ATP8A1: variants seen among roughly 807,000 people sequenced by gnomAD.
ATP8A1 encodes phospholipid-transporting ATPase IA.
In ATP8A1, 90 loss-of-function variants were observed where a neutral mutation model predicts 177.7. The ratio of observed to expected loss-of-function variants is 0.51; its 90% CI spans 0.43 to 0.60. The LOEUF is 0.60. ATP8A1 is among the 20% of genes least tolerant of loss of function. ATP8A1 has a pLI of 0.00. For missense variants in ATP8A1, 1,072 were observed against 1,392.8 expected (o/e 0.77, Z 3.67); for synonymous variants, 493 against 485.9 (o/e 1.01, Z -0.19).
intron 6 of ATP8A1, among the ~76,000 whole-genome samples, chr4:42,597,613 T>C (rs1329545714): frequency 6.6e-6 from 1 of 152,216 alleles, no homozygotes; most frequent in Non-Finnish European, 1.5e-5. Flanking sequence ...TAAAATGCCA[T>C]AATTTATAAA....
chr4:42,464,850 T>C (rs767376448), intron 26 of ATP8A1, 43 bp downstream of exon 26: 5 of 1,612,514 alleles, frequency 3.1e-6, no homozygotes, highest in South Asian at 1.1e-5. Context: ...AAAGCATCAG[T>C]TGACTGAGAG....
chr4:42,416,544 G>A (rs960688408), intron 35 of ATP8A1, among the ~76,000 whole-genome samples: 2 of 152,046 alleles, frequency 1.3e-5, no homozygotes, highest in Non-Finnish European at 2.9e-5. Context: ...TTTATATCAA[G>A]TTAACGTACA....
intron 1 of ATP8A1, among the ~76,000 whole-genome samples, chr4:42,630,081 T>C (rs1738564431): frequency 6.6e-6 from 1 of 152,240 alleles, no homozygotes; most frequent in African/African-American, 2.4e-5. Context: ...TATTTTATGA[T>C]TTCATTTTTT....
intron 17 of ATP8A1, among the ~76,000 whole-genome samples, chr4:42,551,831 C>G (rs1251158721): frequency 6.6e-6 from 1 of 152,100 alleles, no homozygotes; most frequent in East Asian, 1.9e-4. Context: ...TGAGACATAA[C>G]AATTCTTATG....
At chr4:42,575,477 T>C (rs1257810441) in intron 13 of ATP8A1, 145 bp downstream of exon 13, 10 of 649,714 alleles carry the variant, frequency 1.5e-5, no homozygotes, top group Middle Eastern at 3.9e-4. Context: ...AAAATGAGAA[T>C]TGTTCATCAT....
chr4:42,507,803 A>AAAC (rs1705808783), intron 22 of ATP8A1, among the ~76,000 whole-genome samples: 1 of 146,670 alleles, frequency 6.8e-6, no homozygotes, highest in Non-Finnish European at 1.5e-5. Context: ...AAAAAAAAAA[A>AAAC]AAAAAACATA....
intron 33 of ATP8A1, among the ~76,000 whole-genome samples, chr4:42,425,588 G>A (rs757959336): frequency 2.6e-5 from 4 of 152,100 alleles, no homozygotes; most frequent in Non-Finnish European, 4.4e-5. Context: ...AAATCCCACA[G>A]AGGTATTTCC....
intron 22 of ATP8A1, among the ~76,000 whole-genome samples, chr4:42,521,796 T>C (rs1195045404): frequency 1.3e-5 from 2 of 152,202 alleles, no homozygotes; most frequent in African/African-American, 2.4e-5. Context: ...TTGCATATTA[T>C]AGTTATTAAC....
chr4:42,495,779 C>T (rs1461071100), intron 24 of ATP8A1, among the ~76,000 whole-genome samples: 1 of 152,056 alleles, frequency 6.6e-6, no homozygotes, highest in Non-Finnish European at 1.5e-5. Context: ...TCATTAAAAA[C>T]ACATGGTCAA....
intron 24 of ATP8A1, among the ~76,000 whole-genome samples, chr4:42,490,960 A>T (rs1252074454): frequency 6.6e-6 from 1 of 152,176 alleles, no homozygotes; most frequent in Admixed American, 6.5e-5. Context: ...GAATAACCAA[A>T]TTATTAATGA....
At chr4:42,565,968 T>C (rs137970725) in intron 15 of ATP8A1, among the ~76,000 whole-genome samples, 26 of 152,350 alleles carry the variant, frequency 1.7e-4, no homozygotes, top group African/African-American at 5.1e-4. Flanking sequence ...GGTTATATGC[T>C]AGCTGATGGT....
intron 29 of ATP8A1, among the ~76,000 whole-genome samples, chr4:42,454,424 T>C (rs1008948783): frequency 2.6e-5 from 4 of 152,216 alleles, no homozygotes; most frequent in African/African-American, 9.6e-5. Context: ...ATCAGTAACA[T>C]GCTAATAAAC....
intron 24 of ATP8A1, among the ~76,000 whole-genome samples, chr4:42,502,889 GCTAA>G (rs1485273930): frequency 6.6e-6 from 1 of 152,042 alleles, no homozygotes; most frequent in African/African-American, 2.4e-5. Flanking sequence ...ATATTATTTT[GCTAA>G]CTATTTTACA....
At chr4:42,587,310 C>CTTT (rs991848308) in intron 8 of ATP8A1, among the ~76,000 whole-genome samples, 2 of 137,436 alleles carry the variant, frequency 1.5e-5, no homozygotes, top group African/African-American at 2.7e-5. Flanking sequence ...CTTTTCTTTT[C>CTTT]TTTTTTTTTT....
chr4:42,574,563 A>T lies in ATP8A1; in HGVS notation c.1295+56T>A, dbSNP rs916466395. ...TAATAAGAACTCCCAAATGTACCAA[A>T]CTGTTAGCACTAATTAAGCATGTAT... On this transcript the variant is annotated intron_variant, in intron 14 of 36. Coordinates refer to ENST00000381668, the MANE Select transcript of ATP8A1 (RefSeq NM_006095.2). 3.4e-5 allele frequency: 48 copies of T among 1,404,422 alleles called. No homozygotes were observed. The African/African-American group carries it at 5.2e-4, about 15-fold the overall frequency. The allele number at this position is 1,404,422 out of a possible 1,614,324, so 87.0% of individuals were successfully genotyped here.
At chr4:42,612,855 CCT>C (rs1327700857) in intron 5 of ATP8A1, among the ~76,000 whole-genome samples, 1 of 151,994 alleles carries the variant, frequency 6.6e-6, no homozygotes, top group Non-Finnish European at 1.5e-5. Flanking sequence ...AGAGTGTTAC[CCT>C]CTGATGCCTC....
At chr4:42,528,947 T>A (rs1021271787) in intron 20 of ATP8A1, among the ~76,000 whole-genome samples, 4 of 152,220 alleles carry the variant, frequency 2.6e-5, no homozygotes, top group Non-Finnish European at 2.9e-5. Flanking sequence ...GTTGAGATAT[T>A]CCTTCTAAGG....
chr4:42,540,196 C>T (rs969143961), intron 20 of ATP8A1, among the ~76,000 whole-genome samples: 3 of 152,074 alleles, frequency 2.0e-5, no homozygotes, highest in Admixed American at 6.6e-5. Context: ...CTCAACATCA[C>T]TAGCAATCAG....
chr4:42,534,560 G>C (rs540631159), intron 20 of ATP8A1, among the ~76,000 whole-genome samples: 2 of 152,312 alleles, frequency 1.3e-5, no homozygotes, highest in South Asian at 2.1e-4. Context: ...CTAAGGAAGA[G>C]AAATCTAAAA....
Sources: allele counts gnomAD v4.1 joint callset (sites outside exome capture counted in the v4.1 genomes callset), GRCh38; gene constraint gnomAD v4.1.1; transcripts MANE v1.5; gene names NCBI Gene and HGNC (gene_info 2026-07-23, HGNC 2026-07-21).